Variants in SLC27A6 observed in about 807,000 individuals in gnomAD.
SLC27A6 encodes solute carrier family 27 member 6.
SLC27A6 carries 74 observed loss-of-function variants against 63.9 expected under a neutral mutation model. The observed-to-expected ratio is 1.16, with a 90% confidence interval of 0.96 to 1.40. SLC27A6 has a LOEUF of 1.40. SLC27A6 is among the 40% of genes most tolerant of loss of function. The probability of loss-of-function intolerance (pLI) is 0.00; values close to 1 mark genes in which losing one functional copy is unlikely to be tolerated. For missense variants in SLC27A6, 794 were observed against 732.9 expected, an observed-to-expected ratio of 1.08 and a Z score of -0.96; for synonymous variants, 287 against 260.8, an observed-to-expected ratio of 1.10 and a Z score of -0.97.
At chr5:129,014,152 C>T (rs1018799745) in intron 4 of SLC27A6, among the ~76,000 whole-genome samples, 1 of 152,172 alleles carries the variant, frequency 6.6e-6, no homozygotes, top group African/African-American at 2.4e-5. Context: ...TGTAGACTTT[C>T]ATTTAACCCT....
chr5:129,027,284 T>A lies in SLC27A6; in HGVS notation c.1407T>A (p.Asp469Glu). Reference sequence around the variant, plus strand: ...ATACTGGAGACTTAATAGTCCAGGATCAGGACAATTTCCTTTATTTTTGGG... The same window carrying A: ...ATACTGGAGACTTAATAGTCCAGGAACAGGACAATTTCCTTTATTTTTGGG... The part of the protein sequence containing the change: ...YLNTGDLIVQ[D>E]QDNFLYFWDR... Residue 469 changes from aspartate to glutamate, a missense_variant, in exon 7 of 10, where the codon GAT becomes GAA. Asp to Glu is a conservative substitution (Grantham distance 45). Coordinates refer to ENST00000262462, the MANE Select transcript of SLC27A6 (RefSeq NM_001017372.3). The A allele has an allele frequency of 1.2e-6, 2 of 1,613,110 alleles. No individual in the cohort carries two copies. Among genetic ancestry groups the A allele is most frequent in the Non-Finnish European group, 1.7e-6 (2 of 1,179,246 alleles).
rs561281750 is a variant in SLC27A6 at position 128,971,193 on chromosome 5, T to G, written c.481+4575T>G. 7.2e-5 allele frequency among the ~76,000 whole-genome samples: 11 copies of G among 152,306 alleles called. No individual in the cohort carries two copies. The South Asian group carries it at 1.0e-3, about 14-fold the overall frequency. On this transcript the variant is annotated intron_variant, in intron 1 of 9. Coordinates refer to ENST00000262462, the MANE Select transcript of SLC27A6 (RefSeq NM_001017372.3). ...TTACTTCCAACTATGTGGTCAATTT[T>G]GGAATAAGTGTGATGTGGTGCTGAG... is the stretch of plus-strand genomic sequence containing the variant.
chr5:129,017,935 G>A (rs1751959397), intron 5 of SLC27A6, among the ~76,000 whole-genome samples: 1 of 152,106 alleles, frequency 6.6e-6, no homozygotes, highest in Non-Finnish European at 1.5e-5. Context: ...TCCAGATAAT[G>A]CAGAAGGAGA....
intron 5 of SLC27A6, among the ~76,000 whole-genome samples, chr5:129,022,696 A>C (rs937796860): frequency 6.6e-6 from 1 of 152,114 alleles, no homozygotes; most frequent in Non-Finnish European, 1.5e-5. Context: ...GAAGTGGCTC[A>C]CACCTGTAAG....
intron 1 of SLC27A6, among the ~76,000 whole-genome samples, chr5:128,983,530 G>A (rs1309280770): frequency 6.6e-6 from 1 of 151,902 alleles, no homozygotes; most frequent in African/African-American, 2.4e-5. Context: ...CCTGACCTCA[G>A]GTGATCCACC....
intron 1 of SLC27A6, among the ~76,000 whole-genome samples, chr5:128,974,938 A>G (rs1423691743): frequency 6.6e-6 from 1 of 152,234 alleles, no homozygotes; most frequent in African/African-American, 2.4e-5. Context: ...ATGATTATAG[A>G]GTAATCCTGG....
Position 129,033,210 on chromosome 5 carries a change from C to G in SLC27A6, c.1788C>G (p.Asn596Lys). 6 of 1,601,610 alleles carry G rather than the reference C, an allele frequency of 3.7e-6. No individual in the cohort carries two copies. Among genetic ancestry groups the G allele is most frequent in the Non-Finnish European group, 5.1e-6 (6 of 1,173,116 alleles). Residue 596 changes from asparagine to lysine, a missense_variant, in exon 10 of 10, where the codon AAC becomes AAG. Physicochemically the swap from Asn to Lys is moderately conservative, Grantham distance 94 (BLOSUM62 0). Coordinates refer to ENST00000262462, the MANE Select transcript of SLC27A6 (RefSeq NM_001017372.3). ...KISEPLYFMDNLKKSYVLLTR... is the reference protein window; with the variant it reads ...KISEPLYFMDKLKKSYVLLTR... The stretch of plus-strand genomic sequence containing the variant: ...CTGAACCACTTTACTTCATGGATAA[C>G]TTGAAAAAGTCTTATGTTCTACTGA...
chr5:128,983,167 T>G (rs1750649875), intron 1 of SLC27A6, among the ~76,000 whole-genome samples: 1 of 152,122 alleles, frequency 6.6e-6, no homozygotes. Context: ...GAATTCAAAC[T>G]CAAAGCAGAA....
rs529994160 is a variant in SLC27A6, at chr5:129,021,818, A to G, written c.1165-1802A>G. ...TATTTAATTGCGTTTGAATTATAAA[A>G]TTATTCAATTTCTGACTATCAAGTC... On this transcript the variant is annotated intron_variant, in intron 5 of 9. Coordinates refer to ENST00000262462, the MANE Select transcript of SLC27A6 (RefSeq NM_001017372.3). Among the ~76,000 whole-genome samples, 5 of 152,346 alleles carry G rather than the reference A, an allele frequency of 3.3e-5. No homozygotes were observed. The South Asian group carries it at 1.0e-3, about 32-fold the overall frequency.
chr5:128,966,422 C>A lies in SLC27A6; in HGVS notation c.285C>A (p.Val95=). 1 of 1,607,772 alleles carries A rather than the reference C, an allele frequency of 6.2e-7. No homozygotes were observed. The highest frequency in any genetic ancestry group is 8.5e-7 in the Non-Finnish European group (1 of 1,177,038). The change falls in exon 1 of 10, where the codon GTC becomes GTA. Residue 95 remains valine (V), a synonymous_variant. Coordinates refer to ENST00000262462, the MANE Select transcript of SLC27A6 (RefSeq NM_001017372.3). The part of the protein sequence containing the change: ...VDKRSSRVAH[V]FLNHSSLKKG... ...AAAGGAGCAGCAGAGTGGCCCATGT[C>A]TTCCTGAACCATTCCTCTCTGAAAA...
chr5:128,988,881 AAC>A, intron 3 of SLC27A6, 123 bp downstream of exon 3: 1 of 654,348 alleles, frequency 1.5e-6, no homozygotes, highest in Admixed American at 3.0e-5. Context: ...ATTTTATTAT[AAC>A]ACAATATTTA....
intron 5 of SLC27A6, among the ~76,000 whole-genome samples, chr5:129,016,602 A>G (rs188864059): frequency 1.5e-4 from 23 of 151,594 alleles, no homozygotes; most frequent in Admixed American, 1.1e-3. Flanking sequence ...CTCTCATATC[A>G]CCATAATGAT....
intron 6 of SLC27A6, 88 bp from the exon 7 acceptor site, chr5:129,027,045 G>C: frequency 9.2e-7 from 1 of 1,091,830 alleles, no homozygotes; most frequent in Non-Finnish European, 1.4e-6. Context: ...CATTGGTTGT[G>C]CTGGCCAGAT....
chr5:128,987,287 A>G (rs1029302414), intron 2 of SLC27A6, among the ~76,000 whole-genome samples: 2 of 152,222 alleles, frequency 1.3e-5, no homozygotes, highest in Non-Finnish European at 2.9e-5. Context: ...GACACTGATC[A>G]TGATGGATTC....
intron 4 of SLC27A6, among the ~76,000 whole-genome samples, chr5:129,008,634 A>T (rs756446564): frequency 2.0e-4 from 30 of 152,360 alleles, no homozygotes; most frequent in Admixed American, 8.5e-4. Flanking sequence ...GTTCCATGCC[A>T]GGCAGGCAAA....
chr5:129,003,201 G>A (rs755781700), intron 4 of SLC27A6, among the ~76,000 whole-genome samples: 7 of 152,200 alleles, frequency 4.6e-5, no homozygotes, highest in Non-Finnish European at 5.9e-5. Context: ...CTCTCTTACA[G>A]TGTGGGTTTC....
chr5:129,007,546 C>G (rs1751585604), intron 4 of SLC27A6, among the ~76,000 whole-genome samples: 2 of 150,932 alleles, frequency 1.3e-5, no homozygotes, highest in South Asian at 4.2e-4. Flanking sequence ...TCTTAATACA[C>G]TATTAAATGA....
intron 5 of SLC27A6, among the ~76,000 whole-genome samples, chr5:129,018,037 C>A (rs1238063191): frequency 6.6e-6 from 1 of 152,068 alleles, no homozygotes; most frequent in Non-Finnish European, 1.5e-5. Context: ...ATGAGGAAAG[C>A]TTTTGGTTGA....
chr5:129,006,071 G>GTTTTTTTTTTTTTTTTATTTTTTTTTTTT (rs1751515189), intron 4 of SLC27A6, among the ~76,000 whole-genome samples: 1 of 60,148 alleles, frequency 1.7e-5, no homozygotes. Flanking sequence ...TGTGCACACT[G>GTTTTTTTTTTTTTTTTATTTTTTTTTTTT]TTTTTTTTTT....
Sources: allele counts gnomAD v4.1 joint callset (sites outside exome capture counted in the v4.1 genomes callset), GRCh38; gene constraint gnomAD v4.1.1; transcripts MANE v1.5; gene names NCBI Gene and HGNC (gene_info 2026-07-23, HGNC 2026-07-21).